The following GATAD2A variants were observed in gnomAD, a reference collection of about 807,000 sequenced individuals.
GATAD2A encodes the protein GATA zinc finger domain containing 2A.
In GATAD2A, 12 loss-of-function variants were observed where a neutral mutation model predicts 68.5. The ratio of observed to expected loss-of-function variants is 0.18; its 90% CI spans 0.11 to 0.28. The LOEUF (loss-of-function observed/expected upper bound fraction) is 0.28, where lower values mean the gene tolerates loss of function less well. Ranked by LOEUF, GATAD2A falls within the 10% of genes least tolerant of loss-of-function variation. The pLI is 1.00. For missense variants in GATAD2A, 755 were observed against 868.5 expected, an observed-to-expected ratio of 0.87 and a Z score of 1.64; for synonymous variants, 410 against 375.3, an observed-to-expected ratio of 1.09 and a Z score of -1.07.
At chr19:19,410,634 G>A (rs190390243) in intron 1 of GATAD2A, among the ~76,000 whole-genome samples, 14 of 152,294 alleles carry the variant, frequency 9.2e-5, no homozygotes, top group African/African-American at 3.1e-4. Context: ...AAATACTGCT[G>A]CATTATGGTG....
At chr19:19,420,180 T>G (rs894834828) in intron 1 of GATAD2A, among the ~76,000 whole-genome samples, 1 of 142,268 alleles carries the variant, frequency 7.0e-6, no homozygotes, top group Non-Finnish European at 1.5e-5. Context: ...CCAGCTAGTT[T>G]TTTTTTTTTT....
chr19:19,428,733 C>T (rs930628923), intron 1 of GATAD2A, among the ~76,000 whole-genome samples: 1 of 152,146 alleles, frequency 6.6e-6, no homozygotes, highest in Non-Finnish European at 1.5e-5. Context: ...GACACAGCCT[C>T]TGCCATAAGA....
Position 19,496,189 on chromosome 19 carries a change from C to T in GATAD2A, c.894C>T (p.Pro298=). The change falls in exon 7 of 12, where the codon CCC becomes CCT. Residue 298 remains proline, a synonymous_variant. Transcript: ENST00000683918. ...QQGLIRVANV[P]NTSLLVNIPQ... ...GCCTCATCCGCGTCGCCAATGTTCC[C>T]AACACCAGCCTGCTCGTCAACATCC... 5 of 1,613,836 alleles carry T rather than the reference C, an allele frequency of 3.1e-6. No homozygotes were observed. The highest frequency in any genetic ancestry group is 4.2e-6 in the Non-Finnish European group (5 of 1,179,990).
At chr19:19,425,839 G>A (rs2053017432) in intron 1 of GATAD2A, among the ~76,000 whole-genome samples, 1 of 151,582 alleles carries the variant, frequency 6.6e-6, no homozygotes, top group African/African-American at 2.4e-5. Flanking sequence ...GCCCAGGCTG[G>A]ACTGCAGTGG....
At chr19:19,386,401 C>T (rs2048422866) in intron 1 of GATAD2A, among the ~76,000 whole-genome samples, 1 of 151,866 alleles carries the variant, frequency 6.6e-6, no homozygotes, top group Non-Finnish European at 1.5e-5. Flanking sequence ...TCCAGGAGAC[C>T]CTTGCCTCTC....
chr19:19,460,960 G>C (rs1212244225), intron 1 of GATAD2A, among the ~76,000 whole-genome samples: 3 of 152,126 alleles, frequency 2.0e-5, no homozygotes, highest in Non-Finnish European at 4.4e-5. Flanking sequence ...TGTGTGCTCT[G>C]ACTGCCCCGT....
chr19:19,389,905 GGC>G (rs2048721182), intron 1 of GATAD2A, among the ~76,000 whole-genome samples: 1 of 152,136 alleles, frequency 6.6e-6, no homozygotes, highest in African/African-American at 2.4e-5. Context: ...TGGGACCACA[GGC>G]GCATGCCACC....
chr19:19,458,272 C>A (rs978695023), intron 1 of GATAD2A, among the ~76,000 whole-genome samples: 1 of 152,216 alleles, frequency 6.6e-6, no homozygotes, highest in African/African-American at 2.4e-5. Flanking sequence ...GCATGCTGTT[C>A]CCCTGCCTGG....
At chr19:19,475,643 G>T (rs2058629412) in intron 2 of GATAD2A, among the ~76,000 whole-genome samples, 1 of 152,176 alleles carries the variant, frequency 6.6e-6, no homozygotes, top group African/African-American at 2.4e-5. Context: ...TCCACAGCCT[G>T]CGGGCATTTC....
At chr19:19,453,279 C>CACTGCAGCAATTGAGTTTATAGAA (rs2056577865) in intron 1 of GATAD2A, among the ~76,000 whole-genome samples, 1 of 152,188 alleles carries the variant, frequency 6.6e-6, no homozygotes. Context: ...AAGTTTCATC[C>CACTGCAGCAATTGAGTTTATAGAA]ACTGCAGCAA....
At chr19:19,413,724 A>G (rs995424858) in intron 1 of GATAD2A, among the ~76,000 whole-genome samples, 2 of 152,024 alleles carry the variant, frequency 1.3e-5, no homozygotes, top group African/African-American at 4.8e-5. Flanking sequence ...AGTTAGGATT[A>G]CAGACACCCA....
chr19:19,482,508 A>G (rs1398294149), intron 2 of GATAD2A, among the ~76,000 whole-genome samples: 1 of 152,214 alleles, frequency 6.6e-6, no homozygotes, highest in Non-Finnish European at 1.5e-5. Context: ...GGGTCCTGGC[A>G]CAGTGAGGGG....
chr19:19,487,090 G>C (rs1002746795), intron 2 of GATAD2A, among the ~76,000 whole-genome samples: 2 of 152,228 alleles, frequency 1.3e-5, no homozygotes, highest in African/African-American at 4.8e-5. Flanking sequence ...CACATGACAG[G>C]CTCAGCCAGC....
Position 19,506,331 on chromosome 19 carries a change from C to T in GATAD2A, c.*857C>T. ...AGGGAGAAGGAGAGGATCCGGTCGG[C>T]AGCAGCCCTGAGCAGAAAGCTGGAG... On this transcript the variant is annotated 3_prime_UTR_variant, in exon 12 of 12. Transcript: ENST00000683918. 5.0e-6 allele frequency: 2 copies of T among 397,484 alleles called. No individual in the cohort carries two copies. The highest frequency in any genetic ancestry group is 7.1e-5 in the East Asian group (2 of 28,036). 24.6% of individuals were successfully genotyped at this position (397,484 alleles called of 1,614,324 possible).
At chr19:19,475,546 A>C (rs2058622902) in intron 2 of GATAD2A, among the ~76,000 whole-genome samples, 1 of 149,950 alleles carries the variant, frequency 6.7e-6, no homozygotes, top group African/African-American at 2.5e-5. Context: ...GCTGCCTTTC[A>C]CTTGCTAATT....
chr19:19,474,765 T>C (rs2058555295), intron 2 of GATAD2A, among the ~76,000 whole-genome samples: 1 of 152,264 alleles, frequency 6.6e-6, no homozygotes, highest in African/African-American at 2.4e-5. Flanking sequence ...GAGAAACGAC[T>C]GGGCTTTTCC....
chr19:19,495,670 C>T, intron 5 of GATAD2A, 84 bp from the exon 6 acceptor site: 2 of 907,828 alleles, frequency 2.2e-6, no homozygotes, highest in Non-Finnish European at 3.2e-6. Context: ...TATGTACTTT[C>T]ATAAAAGCAG....
chr19:19,460,113 A>G (rs1189809822), intron 1 of GATAD2A, among the ~76,000 whole-genome samples: 2 of 151,594 alleles, frequency 1.3e-5, no homozygotes, highest in Non-Finnish European at 2.9e-5. Context: ...TTCTCTCCTT[A>G]CCCCCTCAAC....
intron 1 of GATAD2A, among the ~76,000 whole-genome samples, chr19:19,439,934 C>A (rs149386259): frequency 1.3e-5 from 2 of 152,108 alleles, no homozygotes; most frequent in Non-Finnish European, 2.9e-5. Flanking sequence ...GAAATGTATC[C>A]GAAACATGGT....
Sources: gnomAD v4.1 joint callset for allele counts (sites outside exome capture counted in the v4.1 genomes callset) on GRCh38, gnomAD v4.1.1 for gene constraint, MANE v1.5 for transcripts, NCBI Gene and HGNC (gene_info 2026-07-23, HGNC 2026-07-21) for gene names.